The following RARB variants were observed in gnomAD, a reference collection of about 807,000 sequenced individuals.
RARB encodes the protein retinoic acid receptor beta.
A neutral mutation model predicts 51.9 loss-of-function variants in RARB; 17 were observed. The ratio of observed to expected loss-of-function variants is 0.33; its 90% CI spans 0.22 to 0.49. The LOEUF (loss-of-function observed/expected upper bound fraction) is 0.49. Among genes scored for constraint, RARB ranks in the 20% least tolerant of loss-of-function variants. The probability of loss-of-function intolerance (pLI) is 0.99; values close to 1 mark genes in which losing one functional copy is unlikely to be tolerated. For missense variants in RARB, 369 were observed against 550.8 expected (o/e 0.67, Z 3.30); for synonymous variants, 215 against 195.4 (o/e 1.10, Z -0.84).
intron 3 of RARB, among the ~76,000 whole-genome samples, chr3:25,508,128 T>C (rs966274106): frequency 6.6e-6 from 1 of 152,242 alleles, no homozygotes; most frequent in African/African-American, 2.4e-5. Context: ...TTTTTTCCTA[T>C]GACAGTTTCA....
intron 1 of RARB, among the ~76,000 whole-genome samples, chr3:24,831,702 G>A (rs553312368): frequency 1.3e-5 from 2 of 151,868 alleles, no homozygotes; most frequent in Non-Finnish European, 2.9e-5. Context: ...AAAACTGTGG[G>A]GTTAGAAACT....
chr3:24,900,286 T>TAAA (rs5847325), intron 2 of RARB, among the ~76,000 whole-genome samples: 3 of 151,604 alleles, frequency 2.0e-5, no homozygotes, highest in African/African-American at 7.3e-5. Context: ...TTTTCCTTTG[T>TAAA]AAAAAAAAAT....
intron 3 of RARB, among the ~76,000 whole-genome samples, chr3:25,087,196 G>A (rs2125315377): frequency 6.6e-6 from 1 of 152,248 alleles, no homozygotes; most frequent in South Asian, 2.1e-4. Flanking sequence ...CCAAAGGGAG[G>A]AAGGTATATT....
chr3:25,431,144 C>T (rs1372761415), intron 1 of RARB, among the ~76,000 whole-genome samples: 1 of 152,042 alleles, frequency 6.6e-6, no homozygotes, highest in Non-Finnish European at 1.5e-5. Context: ...TTCCATTTTA[C>T]TTAATGGCTA....
intron 5 of RARB, among the ~76,000 whole-genome samples, chr3:25,203,902 G>A (rs974944826): frequency 6.6e-6 from 1 of 152,086 alleles, no homozygotes; most frequent in East Asian, 1.9e-4. Flanking sequence ...TGACAATTAT[G>A]TGTCTTGGAG....
At chr3:25,442,021 A>T (rs1708708844) in intron 1 of RARB, among the ~76,000 whole-genome samples, 1 of 152,200 alleles carries the variant, frequency 6.6e-6, no homozygotes, top group African/African-American at 2.4e-5. Flanking sequence ...ATAATTCTAC[A>T]TTGTCTAATA....
chr3:25,371,640 G>A (rs1234941970), intron 5 of RARB, among the ~76,000 whole-genome samples: 7 of 152,162 alleles, frequency 4.6e-5, no homozygotes, highest in South Asian at 2.1e-4. Flanking sequence ...ATAAACGCTC[G>A]CCCTGGGGCA....
At chr3:25,506,960 G>T (rs1697637856) in intron 3 of RARB, among the ~76,000 whole-genome samples, 1 of 152,222 alleles carries the variant, frequency 6.6e-6, no homozygotes, top group African/African-American at 2.4e-5. Flanking sequence ...TTCTCCATCA[G>T]TTGAACCCCA....
intron 5 of RARB, among the ~76,000 whole-genome samples, chr3:25,584,680 T>C (rs1334184415): frequency 1.3e-5 from 2 of 152,084 alleles, no homozygotes; most frequent in Non-Finnish European, 2.9e-5. Context: ...CGTGCACAGA[T>C]TCTCCTTCTT....
At chr3:25,319,096 C>T (rs1459257464) in intron 5 of RARB, among the ~76,000 whole-genome samples, 1 of 152,158 alleles carries the variant, frequency 6.6e-6, no homozygotes, top group East Asian at 1.9e-4. Flanking sequence ...TTTGTGTTCT[C>T]AGACCTGAGG....
At chr3:25,060,188 A>C (rs940254218) in intron 3 of RARB, 1 of 151,642 alleles carries the variant, frequency 6.6e-6, no homozygotes, top group Non-Finnish European at 1.5e-5. Context: ...TAAGTAATGA[A>C]AGAAAAAGTA....
At chr3:25,420,397 A>G (rs561791407) in intron 5 of RARB, among the ~76,000 whole-genome samples, 2 of 152,270 alleles carry the variant, frequency 1.3e-5, no homozygotes, top group African/African-American at 4.8e-5. Flanking sequence ...TTGCTAATAG[A>G]ACTTGGCTTC....
chr3:25,218,416 T>C (rs1701880064), intron 5 of RARB, among the ~76,000 whole-genome samples: 5 of 152,052 alleles, frequency 3.3e-5, no homozygotes. Context: ...AGTTCCCAAG[T>C]TGTTCCTTTT....
chr3:24,972,569 T>A (rs1696424029), intron 2 of RARB, among the ~76,000 whole-genome samples: 1 of 151,950 alleles, frequency 6.6e-6, no homozygotes. Flanking sequence ...CTCTGTACAG[T>A]TTTCTATAGT....
chr3:25,409,970 G>A (rs2364118), intron 5 of RARB, among the ~76,000 whole-genome samples: 128,034 of 152,234 alleles, frequency 0.84, 54,147 homozygotes, highest in East Asian at 1. Flanking sequence ...ACAAGAGTGT[G>A]TGCATCAGTT....
At chr3:25,342,138 C>A (rs899409164) in intron 5 of RARB, among the ~76,000 whole-genome samples, 1 of 152,134 alleles carries the variant, frequency 6.6e-6, no homozygotes, top group Non-Finnish European at 1.5e-5. Context: ...AAAAGAGATA[C>A]TCAAGTTGTT....
chr3:24,916,413 C>T (rs186735353), intron 2 of RARB, among the ~76,000 whole-genome samples: 16 of 152,238 alleles, frequency 1.1e-4, no homozygotes, highest in African/African-American at 3.4e-4. Context: ...GCTGTTCCTG[C>T]AGCATTTTAG....
chr3:25,453,734 C>T (rs1329756827), intron 1 of RARB, among the ~76,000 whole-genome samples: 1 of 152,164 alleles, frequency 6.6e-6, no homozygotes, highest in Non-Finnish European at 1.5e-5. Flanking sequence ...AACCCAGCTC[C>T]AGCCCTCGGC....
intron 4 of RARB, among the ~76,000 whole-genome samples, chr3:25,159,141 T>A (rs538870672): frequency 6.0e-5 from 9 of 149,712 alleles, no homozygotes; most frequent in African/African-American, 2.2e-4. Context: ...CCAAGAAAAC[T>A]GTTCCAAATT....
Sources: allele counts gnomAD v4.1 joint callset (sites outside exome capture counted in the v4.1 genomes callset), GRCh38; gene constraint gnomAD v4.1.1; transcripts MANE v1.5; gene names NCBI Gene and HGNC (gene_info 2026-07-23, HGNC 2026-07-21).